PDGFRL: variants seen among roughly 807,000 people sequenced by gnomAD.
The protein encoded by PDGFRL is platelet derived growth factor receptor like.
In PDGFRL, 46 loss-of-function variants were observed where a neutral mutation model predicts 37.2. The observed-to-expected ratio is 1.24, with a 90% CI of 0.98 to 1.58. The LOEUF is 1.58. PDGFRL is among the 40% of genes most tolerant of loss of function. The probability of loss-of-function intolerance (pLI) is 0.00; values close to 1 mark genes in which losing one functional copy is unlikely to be tolerated. For synonymous variants in PDGFRL, 251 were observed against 184.3 expected (o/e 1.36, Z -2.93); for missense variants, 692 against 467.6 (o/e 1.48, Z -4.43).
intron 2 of PDGFRL, among the ~76,000 whole-genome samples, chr8:17,607,812 A>G (rs1804315394): frequency 6.6e-6 from 1 of 152,232 alleles, no homozygotes; most frequent in Non-Finnish European, 1.5e-5. Context: ...ATGTCAAAGG[A>G]GGGAGCAAGA....
At chr8:17,604,884 C>T (rs190121070) in intron 2 of PDGFRL, among the ~76,000 whole-genome samples, 16 of 152,106 alleles carry the variant, frequency 1.1e-4, no homozygotes, top group African/African-American at 2.9e-4. Context: ...GAGGCTGAGG[C>T]GGGTGAATCA....
intron 5 of PDGFRL, among the ~76,000 whole-genome samples, chr8:17,634,453 T>G (rs923141480): frequency 8.5e-5 from 13 of 152,132 alleles, no homozygotes; most frequent in Non-Finnish European, 1.6e-4. Flanking sequence ...ATTAGTCAGT[T>G]TGCTCAATGT....
chr8:17,621,272 A>T, intron 3 of PDGFRL, 70 bp downstream of exon 3: 1 of 1,031,006 alleles, frequency 9.7e-7, no homozygotes. Context: ...AGGTTCCCCC[A>T]CTGCATGCTG....
intron 2 of PDGFRL, among the ~76,000 whole-genome samples, chr8:17,597,754 A>G (rs2517164): frequency 0.92 from 140,577 of 152,168 alleles, 65,228 homozygotes; most frequent in South Asian, 0.99. Flanking sequence ...GATTTTTCAC[A>G]GTGGTGTTTT....
intron 4 of PDGFRL, among the ~76,000 whole-genome samples, chr8:17,629,298 T>C (rs1416117489): frequency 1.3e-5 from 2 of 152,056 alleles, no homozygotes; most frequent in Non-Finnish European, 2.9e-5. Flanking sequence ...TCCTTCCTTG[T>C]TATGACCCTG....
chr8:17,581,499 T>C (rs1369160483), intron 1 of PDGFRL, among the ~76,000 whole-genome samples: 1 of 152,140 alleles, frequency 6.6e-6, no homozygotes, highest in Non-Finnish European at 1.5e-5. Context: ...CATCTTATGT[T>C]GAATTTTGAT....
chr8:17,597,698 G>C (rs965526701), intron 2 of PDGFRL, among the ~76,000 whole-genome samples: 1 of 152,064 alleles, frequency 6.6e-6, no homozygotes, highest in Admixed American at 6.5e-5. Context: ...ATATAATTTG[G>C]CATCTCTCTA....
intron 2 of PDGFRL, among the ~76,000 whole-genome samples, chr8:17,592,019 ATC>A (rs1803951326): frequency 3.9e-5 from 6 of 152,154 alleles, no homozygotes; most frequent in Admixed American, 3.9e-4. Flanking sequence ...GCAGAAATTC[ATC>A]TCCCTCAAGG....
At chr8:17,633,246 T>C (rs61138324) in intron 4 of PDGFRL, among the ~76,000 whole-genome samples, 11,197 of 152,092 alleles carry the variant, frequency 0.074, 1,015 homozygotes, top group African/African-American at 0.21. Flanking sequence ...TTGGGCAACA[T>C]AGACCAAAAA....
intron 2 of PDGFRL, among the ~76,000 whole-genome samples, chr8:17,595,439 G>A (rs1447003214): frequency 2.0e-5 from 3 of 152,264 alleles, no homozygotes; most frequent in South Asian, 2.1e-4. Flanking sequence ...CTAGGTAGCC[G>A]CCCTATTTTG....
rs148779351 is a variant in PDGFRL, at chr8:17,621,152, T to C, written c.455T>C (p.Ile152Thr). ...TGGGTGCAGCTCTGCAGCGGCTACA[T>C]CTGCAGGAAGGACGAGGCCAAAACG... Reference protein sequence around the residue: ...SCWVQLCSGYICRKDEAKTGS... With the variant: ...SCWVQLCSGYTCRKDEAKTGS... Residue 152 changes from isoleucine to threonine, a missense_variant, in exon 3 of 6, where the codon ATC (isoleucine) becomes ACC (threonine). Transcript: ENST00000251630. 1.9e-6 allele frequency: 3 copies of C among 1,611,314 alleles called. No individual in the cohort carries two copies. The highest frequency in any genetic ancestry group is 1.7e-5 in the Admixed American group (1 of 59,884).
intron 2 of PDGFRL, among the ~76,000 whole-genome samples, chr8:17,601,086 G>C (rs753452601): frequency 6.6e-6 from 1 of 152,148 alleles, no homozygotes; most frequent in Non-Finnish European, 1.5e-5. Context: ...AGTTGCTCTT[G>C]ACCAGAGGCC....
intron 2 of PDGFRL, among the ~76,000 whole-genome samples, chr8:17,602,359 A>G (rs192508471): frequency 6.6e-6 from 1 of 152,328 alleles, no homozygotes; most frequent in Non-Finnish European, 1.5e-5. Flanking sequence ...TGGGAGCCCT[A>G]GTTCCTGAGG....
At chr8:17,610,536 G>A (rs1256961133) in intron 2 of PDGFRL, among the ~76,000 whole-genome samples, 1 of 152,088 alleles carries the variant, frequency 6.6e-6, no homozygotes, top group Non-Finnish European at 1.5e-5. Flanking sequence ...TTTGGATAAG[G>A]GATTCTCAAC....
At position 17,591,625 on chromosome 8, in the gene PDGFRL, C is replaced by T. The variant is rs1803942272; in HGVS notation, c.353+1860C>T. 2.6e-5 allele frequency among the ~76,000 whole-genome samples: 4 copies of T among 152,226 alleles called. 1 individual carries two copies. The highest frequency in any genetic ancestry group is 6.8e-3 in the Middle Eastern group (2 of 294). The stretch of plus-strand genomic sequence containing the variant: ...ATGACAAGAATGGGAGAAAGAAAGC[C>T]TGCAGGCAGGCTGGGCACGGTGGCT... On this transcript the variant is annotated intron_variant, in intron 2 of 5. Transcript: ENST00000251630.
In PDGFRL at chr8:17,642,894, G is replaced by A; in HGVS notation, c.*93G>A. 3 of 783,710 alleles carry A rather than the reference G, an allele frequency of 3.8e-6. No individual in the cohort carries two copies. The South Asian group carries it at 5.0e-5, about 13-fold the overall frequency. 48.5% of individuals were successfully genotyped at this position (783,710 alleles called of 1,614,324 possible). Reference sequence around the variant, plus strand: ...TTTTATTAGTGCTTTGCCAGAGGCTGATGTCAAGCACCACACCCCAACCCC... The same window carrying A: ...TTTTATTAGTGCTTTGCCAGAGGCTAATGTCAAGCACCACACCCCAACCCC... On this transcript the variant is annotated 3_prime_UTR_variant, in exon 6 of 6. Transcript: ENST00000251630.
intron 5 of PDGFRL, among the ~76,000 whole-genome samples, chr8:17,636,971 T>C (rs1243240730): frequency 6.6e-6 from 1 of 152,234 alleles, no homozygotes; most frequent in Non-Finnish European, 1.5e-5. Flanking sequence ...TTTTGTATCC[T>C]GAAACTTTGC....
chr8:17,593,616 T>C (rs13280743), intron 2 of PDGFRL, among the ~76,000 whole-genome samples: 2 of 147,386 alleles, frequency 1.4e-5, no homozygotes, highest in Admixed American at 6.8e-5. Context: ...AAAAAAATTC[T>C]TGGCATAGTG....
intron 2 of PDGFRL, among the ~76,000 whole-genome samples, chr8:17,601,699 T>C (rs917127684): frequency 6.6e-6 from 1 of 152,168 alleles, no homozygotes; most frequent in Non-Finnish European, 1.5e-5. Flanking sequence ...AGCTCCCCTT[T>C]AAAAGTGAGA....
Sources: gnomAD v4.1 joint callset for allele counts (sites outside exome capture counted in the v4.1 genomes callset) on GRCh38, gnomAD v4.1.1 for gene constraint, MANE v1.5 for transcripts, NCBI Gene and HGNC (gene_info 2026-07-23, HGNC 2026-07-21) for gene names.